The following GAB4 variants were observed in gnomAD, a reference collection of about 807,000 sequenced individuals.
The protein encoded by GAB4 is GRB2-associated-binding protein 4.
A neutral mutation model predicts 51.3 loss-of-function variants in GAB4; 26 were observed. The observed-to-expected ratio is 0.51, with a 90% confidence interval of 0.37 to 0.70. The LOEUF (loss-of-function observed/expected upper bound fraction) is 0.70. Ranked by LOEUF, GAB4 falls within the 30% of genes least tolerant of loss-of-function variation. GAB4 has a pLI of 0.00. For missense variants in GAB4, 759 were observed against 734.6 expected (o/e 1.03, Z -0.38); for synonymous variants, 329 against 291.2 (o/e 1.13, Z -1.32).
At chr22:16,973,378 G>A (rs1414380749) in intron 3 of GAB4, among the ~76,000 whole-genome samples, 1 of 152,186 alleles carries the variant, frequency 6.6e-6, no homozygotes, top group Non-Finnish European at 1.5e-5. Context: ...AAAGAAAAGT[G>A]GGGTGCTGCC....
Position 17,008,187 on chromosome 22 carries a change from C to T in GAB4, c.-73G>A, listed in dbSNP as rs2061060434. ...GTTGCTGGAGGTGGGGTGTGAGGGA[C>T]GGCTTGCGATACCCTGGGACTGCGG... On this transcript the variant is annotated 5_prime_UTR_variant, in exon 1 of 10. Transcript: ENST00000400588. The T allele has an allele frequency of 7.3e-6, 8 of 1,089,566 alleles. No homozygotes were observed. Among genetic ancestry groups the T allele is most frequent in the African/African-American group, 1.5e-5 (1 of 64,702 alleles). 67.5% of individuals were successfully genotyped at this position (1,089,566 alleles called of 1,614,324 possible).
intron 3 of GAB4, among the ~76,000 whole-genome samples, chr22:16,985,975 G>C (rs776152540): frequency 1.1e-4 from 17 of 152,212 alleles, no homozygotes; most frequent in South Asian, 4.1e-4. Context: ...TGCTGGGAGA[G>C]AGAACATAAA....
At chr22:16,969,858 G>A (rs2060714283) in intron 4 of GAB4, 85 bp downstream of exon 4, 1 of 1,493,446 alleles carries the variant, frequency 6.7e-7, no homozygotes, top group Admixed American at 1.7e-5. Context: ...TGAGAGTGGG[G>A]TGGCCGGAAC....
At chr22:16,965,840 C>T (rs1189833366) in intron 6 of GAB4, among the ~76,000 whole-genome samples, 8 of 152,352 alleles carry the variant, frequency 5.3e-5, no homozygotes, top group Middle Eastern at 3.4e-3. Context: ...AGCTCTTCTT[C>T]CTGGTCTACA....
chr22:16,970,719 T>G (rs1307197108), intron 3 of GAB4, among the ~76,000 whole-genome samples: 1 of 152,128 alleles, frequency 6.6e-6, no homozygotes, highest in African/African-American at 2.4e-5. Flanking sequence ...CCCTCTAAAG[T>G]AAACCAGCTC....
chr22:16,987,908 G>C, intron 3 of GAB4, 52 bp downstream of exon 3: 1 of 1,393,752 alleles, frequency 7.2e-7, no homozygotes, highest in African/African-American at 1.4e-5. Context: ...GGACTGAATA[G>C]AACAAGACCT....
chr22:16,965,031 C>T (rs1377837409), intron 7 of GAB4, 147 bp downstream of exon 7: 13 of 719,108 alleles, frequency 1.8e-5, no homozygotes, highest in Non-Finnish European at 3.0e-5. Context: ...GATGAGAAGG[C>T]CGTCACGCCT....
intron 1 of GAB4, among the ~76,000 whole-genome samples, chr22:16,996,303 C>A (rs2060948839): frequency 6.6e-6 from 1 of 151,682 alleles, no homozygotes; most frequent in South Asian, 2.1e-4. Context: ...AAATATGGGA[C>A]TATGTGAAAA....
intron 2 of GAB4, among the ~76,000 whole-genome samples, chr22:16,990,173 T>C (rs1465681886): frequency 6.6e-6 from 1 of 152,242 alleles, no homozygotes; most frequent in Non-Finnish European, 1.5e-5. Flanking sequence ...ATCCTTAAGA[T>C]GACTCACAAA....
In GAB4 at chr22:16,981,151, T is replaced by C. The variant is rs1383035252; in HGVS notation, c.686+6809A>G. 2.0e-5 allele frequency among the ~76,000 whole-genome samples: 3 copies of C among 151,094 alleles called. No homozygotes were observed. In the East Asian group the frequency reaches 5.8e-4, roughly 29 times the overall value. Reference sequence around the variant, plus strand: ...TGCACATGTATCCCAGAATTTAAAGTATAATAAAAATAAATAAATAAATAT... The same window carrying C: ...TGCACATGTATCCCAGAATTTAAAGCATAATAAAAATAAATAAATAAATAT... On this transcript the variant is annotated intron_variant, in intron 3 of 9. Coordinates refer to ENST00000400588, the MANE Select transcript of GAB4 (RefSeq NM_001037814.1).
chr22:16,997,062 G>C (rs2060956022), intron 1 of GAB4, among the ~76,000 whole-genome samples: 1 of 151,412 alleles, frequency 6.6e-6, no homozygotes, highest in South Asian at 2.1e-4. Context: ...AGTCTGGTTG[G>C]TTCCAAGTCT....
intron 3 of GAB4, among the ~76,000 whole-genome samples, chr22:16,983,136 C>T (rs568469325): frequency 2.0e-5 from 3 of 152,252 alleles, no homozygotes; most frequent in East Asian, 3.9e-4. Flanking sequence ...AATGCTAAAC[C>T]GTCACAGGTG....
chr22:16,996,669 A>G (rs1400140098), intron 1 of GAB4, among the ~76,000 whole-genome samples: 1 of 151,900 alleles, frequency 6.6e-6, no homozygotes, highest in Non-Finnish European at 1.5e-5. Context: ...ATTCTTTTTT[A>G]TTATTATTAT....
chr22:16,998,399 T>C (rs2060967796), intron 1 of GAB4, among the ~76,000 whole-genome samples: 1 of 152,206 alleles, frequency 6.6e-6, no homozygotes, highest in Admixed American at 6.5e-5. Context: ...TTTATTCTCT[T>C]TGAAGCAATT....
At chr22:16,969,759 AGGGGAAG>A in intron 4 of GAB4, 177 bp downstream of exon 4, 6 of 732,858 alleles carry the variant, frequency 8.2e-6, no homozygotes, top group Non-Finnish European at 7.0e-6. Context: ...TGCCTTGGGC[AGGGGAAG>A]GGAGGCTATG....
chr22:16,988,199 T>G (rs148866383), intron 2 of GAB4, 32 bp from the exon 3 acceptor site: 71 of 1,479,830 alleles, frequency 4.8e-5, no homozygotes, highest in Non-Finnish European at 6.5e-5. Flanking sequence ...AGGGCATCCT[T>G]GTCCTAAAGT....
rs1182361451 is a variant in GAB4, at chr22:16,966,028, G to A, written c.1288+72C>T. 90 of 1,424,454 alleles carry A rather than the reference G, an allele frequency of 6.3e-5. 1 individual carries two copies. In the South Asian group the frequency reaches 1.1e-3, roughly 17 times the overall value. 88.2% of individuals were successfully genotyped at this position (1,424,454 alleles called of 1,614,324 possible). On this transcript the variant is annotated intron_variant, in intron 6 of 9. Coordinates refer to ENST00000400588, the MANE Select transcript of GAB4 (RefSeq NM_001037814.1). Reference sequence around the variant, plus strand: ...GCCAAAGTCAGACGTTCCACATCCAGGATCCACCTGACACCTAAGCGAATG... The same window carrying A: ...GCCAAAGTCAGACGTTCCACATCCAAGATCCACCTGACACCTAAGCGAATG...
intron 3 of GAB4, among the ~76,000 whole-genome samples, chr22:16,987,536 T>C (rs953997227): frequency 1.3e-5 from 2 of 152,230 alleles, no homozygotes; most frequent in Non-Finnish European, 1.5e-5. Context: ...TAAATAGCCA[T>C]GACTGCAGCT....
chr22:16,984,316 T>C (rs1238045889), intron 3 of GAB4, among the ~76,000 whole-genome samples: 6 of 152,208 alleles, frequency 3.9e-5, no homozygotes, highest in Admixed American at 3.3e-4. Context: ...GATAAGGGCA[T>C]GGAGAAATGG....
Sources: gnomAD v4.1 joint callset for allele counts (sites outside exome capture counted in the v4.1 genomes callset) on GRCh38, gnomAD v4.1.1 for gene constraint, MANE v1.5 for transcripts, NCBI Gene and HGNC (gene_info 2026-07-23, HGNC 2026-07-21) for gene names.